The following KIAA1671 variants were observed in gnomAD, a reference collection of about 807,000 sequenced individuals.
The protein encoded by KIAA1671 is uncharacterized protein KIAA1671.
Under a neutral mutation model 131.2 loss-of-function variants are expected in KIAA1671, and 52 were observed. The observed-to-expected ratio is 0.40, with a 90% CI of 0.32 to 0.50. The LOEUF is 0.50. KIAA1671 is among the 20% of genes least tolerant of loss of function. The pLI is 0.73. For synonymous variants in KIAA1671, 1,003 were observed against 961.6 expected, an observed-to-expected ratio of 1.04 and a Z score of -0.80; for missense variants, 2,360 against 2,364.2, an observed-to-expected ratio of 1.00 and a Z score of 0.04.
At chr22:25,122,696 C>T (rs753680837) in intron 6 of KIAA1671, among the ~76,000 whole-genome samples, 14 of 152,150 alleles carry the variant, frequency 9.2e-5, no homozygotes, top group Admixed American at 1.3e-4. Context: ...CATTATTGGC[C>T]GGTTGCAGTG....
At chr22:25,134,708 C>CT (rs1344718257) in intron 6 of KIAA1671, among the ~76,000 whole-genome samples, 2 of 152,128 alleles carry the variant, frequency 1.3e-5, no homozygotes, top group African/African-American at 4.8e-5. Context: ...TGCTGCCGCT[C>CT]TGCAGCTTTG....
intron 6 of KIAA1671, among the ~76,000 whole-genome samples, chr22:25,085,251 G>T (rs1929643628): frequency 6.6e-6 from 1 of 152,234 alleles, no homozygotes; most frequent in African/African-American, 2.4e-5. Flanking sequence ...CAAAGCCATT[G>T]TTTTCCTGGC....
intron 1 of KIAA1671, among the ~76,000 whole-genome samples, chr22:24,981,644 C>T (rs1231284387): frequency 1.3e-5 from 2 of 152,224 alleles, no homozygotes; most frequent in East Asian, 3.8e-4. Context: ...GTGCCTGGCT[C>T]ATGCCTGTAA....
At chr22:25,034,285 A>G (rs2145796448) in intron 4 of KIAA1671, among the ~76,000 whole-genome samples, 1 of 151,900 alleles carries the variant, frequency 6.6e-6, no homozygotes, top group South Asian at 2.1e-4. Flanking sequence ...ACCTCAAGTG[A>G]TCCACCCACC....
intron 6 of KIAA1671, among the ~76,000 whole-genome samples, chr22:25,163,160 T>G (rs958747856): frequency 6.6e-6 from 1 of 151,758 alleles, no homozygotes; most frequent in Non-Finnish European, 1.5e-5. Flanking sequence ...AAACCTTGTC[T>G]CTACAAAAAA....
intron 1 of KIAA1671, among the ~76,000 whole-genome samples, chr22:24,991,234 GCTGGTCACGAA>G (rs1923825846): frequency 6.6e-6 from 1 of 151,220 alleles, no homozygotes; most frequent in African/African-American, 2.4e-5. Flanking sequence ...TGCTGGTCAG[GCTGGTCACGAA>G]CTCCTGACTT....
At chr22:25,139,883 G>A (rs557714984) in intron 6 of KIAA1671, among the ~76,000 whole-genome samples, 2 of 152,310 alleles carry the variant, frequency 1.3e-5, no homozygotes, top group East Asian at 1.9e-4. Flanking sequence ...AGGACGGAGT[G>A]TGCTGTTCTT....
At chr22:25,125,648 C>T (rs778946053) in intron 6 of KIAA1671, among the ~76,000 whole-genome samples, 4 of 152,330 alleles carry the variant, frequency 2.6e-5, no homozygotes, top group East Asian at 1.9e-4. Flanking sequence ...GCAGCATCCC[C>T]GGCCTCTGCC....
intron 1 of KIAA1671, among the ~76,000 whole-genome samples, chr22:24,980,146 T>G (rs1923150314): frequency 6.6e-6 from 1 of 152,088 alleles, no homozygotes; most frequent in Non-Finnish European, 1.5e-5. Flanking sequence ...TTCCATTGTA[T>G]GGCTAGACCA....
chr22:25,121,151 C>T (rs542210798), intron 6 of KIAA1671, among the ~76,000 whole-genome samples: 4 of 152,254 alleles, frequency 2.6e-5, no homozygotes, highest in South Asian at 2.1e-4. Context: ...GTTACGTTTT[C>T]GGATTTCATG....
At chr22:25,038,614 C>T in intron 4 of KIAA1671, 146 bp from the exon 5 acceptor site, 3 of 886,340 alleles carry the variant, frequency 3.4e-6, no homozygotes, top group Non-Finnish European at 5.0e-6. Flanking sequence ...CATCCTCACC[C>T]ACACTGGGTG....
At chr22:25,069,393 T>C (rs1275873986) in intron 6 of KIAA1671, among the ~76,000 whole-genome samples, 1 of 152,202 alleles carries the variant, frequency 6.6e-6, no homozygotes. Flanking sequence ...GGTGTGCTTT[T>C]ATTGCATTTT....
chr22:25,107,765 C>T lies in KIAA1671; in HGVS notation c.4530+58401C>T, dbSNP rs528737958. 7.2e-5 allele frequency among the ~76,000 whole-genome samples: 11 copies of T among 152,098 alleles called. No individual in the cohort carries two copies. In the East Asian group the frequency reaches 2.1e-3, roughly 30 times the overall value. The stretch of plus-strand genomic sequence containing the variant: ...GTGGCTCATGCCTGTAATCCCAGCA[C>T]TTTGGGAGGCCGAGGTGGGCGGATC... On this transcript the variant is annotated intron_variant, in intron 6 of 12. Transcript: ENST00000358431.
Position 25,028,931 on chromosome 22 carries a change from G to GGGAT in KIAA1671, c.933_936dup (p.Met313GlyfsTer28). 6.4e-7 allele frequency: 1 copy of GGGAT among 1,551,592 alleles called. No individual in the cohort carries two copies. Among genetic ancestry groups the GGGAT allele is most frequent in the Non-Finnish European group, 8.7e-7 (1 of 1,146,970 alleles). Reference sequence around the variant, plus strand: ...GATGAAGGAAGTGGACCCACAGCAGGGGATATGGCTGGGCTAGAGAGGCCC... The same window carrying GGGAT: ...GATGAAGGAAGTGGACCCACAGCAGGGGATGGATATGGCTGGGCTAGAGAGGCCC... On this transcript the variant is annotated frameshift_variant, in exon 3 of 13. Coordinates refer to ENST00000358431, the MANE Select transcript of KIAA1671 (RefSeq NM_001145206.2). LOFTEE classifies it high-confidence loss of function.
At chr22:24,988,795 G>A (rs1923690142) in intron 1 of KIAA1671, among the ~76,000 whole-genome samples, 1 of 151,582 alleles carries the variant, frequency 6.6e-6, no homozygotes, top group Non-Finnish European at 1.5e-5. Flanking sequence ...ATTGTGGTCC[G>A]GTGTCAGACC....
intron 1 of KIAA1671, among the ~76,000 whole-genome samples, chr22:24,960,130 C>CAAATAAATAAATAAAT (rs56860953): frequency 1.3e-4 from 19 of 146,900 alleles, no homozygotes; most frequent in African/African-American, 3.8e-4. Flanking sequence ...GACTCCGTCT[C>CAAATAAATAAATAAAT]AAATAAATAA....
chr22:25,097,452 G>C (rs1303819514), intron 6 of KIAA1671, among the ~76,000 whole-genome samples: 1 of 152,174 alleles, frequency 6.6e-6, no homozygotes, highest in African/African-American at 2.4e-5. Flanking sequence ...ACCTTCAAAA[G>C]GTTGTAGGCT....
At chr22:25,062,827 CCCCGCCA>C (rs1555874917) in intron 6 of KIAA1671, 2 of 98,996 alleles carry the variant, frequency 2.0e-5, no homozygotes, top group East Asian at 2.9e-4. Context: ...CACCCCCGCC[CCCCGCCA>C]CCCGCCACTC....
At chr22:25,079,909 C>T (rs1052788432) in intron 6 of KIAA1671, among the ~76,000 whole-genome samples, 7 of 152,152 alleles carry the variant, frequency 4.6e-5, no homozygotes, top group Middle Eastern at 3.4e-3. Flanking sequence ...CAGTAAGGAA[C>T]CACTGCAGTG....
Sources: allele counts gnomAD v4.1 joint callset (sites outside exome capture counted in the v4.1 genomes callset), GRCh38; gene constraint gnomAD v4.1.1; transcripts MANE v1.5; gene names NCBI Gene and HGNC (gene_info 2026-07-23, HGNC 2026-07-21).